ST3GAL6: variants seen among roughly 807,000 people sequenced by gnomAD.
ST3GAL6 encodes ST3 beta-galactoside alpha-2,3-sialyltransferase 6.
Under a neutral mutation model 40.5 loss-of-function variants are expected in ST3GAL6, and 31 were observed. That is an observed-to-expected ratio of 0.77 (90% CI 0.58 to 1.03). The LOEUF (loss-of-function observed/expected upper bound fraction) is 1.03, where lower values mean the gene tolerates loss of function less well. Ranked by LOEUF, ST3GAL6 falls within the 50% of genes least tolerant of loss-of-function variation. The pLI is 0.00. For missense variants in ST3GAL6, 357 were observed against 393.2 expected (o/e 0.91, Z 0.78); for synonymous variants, 129 against 136.9 (o/e 0.94, Z 0.40).
intron 1 of ST3GAL6, chr3:98,733,249 C>G (rs1418053503): frequency 1.0e-6 from 1 of 980,864 alleles, no homozygotes; most frequent in Non-Finnish European, 1.2e-6. Context: ...CCGCAGCCAC[C>G]GCCGAGAGGG....
intron 5 of ST3GAL6, among the ~76,000 whole-genome samples, chr3:98,777,670 C>T (rs1939683581): frequency 6.6e-6 from 1 of 152,208 alleles, no homozygotes; most frequent in Non-Finnish European, 1.5e-5. Context: ...TATGCCTGGT[C>T]ACTTTCAGGA....
intron 1 of ST3GAL6, among the ~76,000 whole-genome samples, chr3:98,756,959 T>C (rs1937465829): frequency 6.6e-6 from 1 of 152,242 alleles, no homozygotes; most frequent in Non-Finnish European, 1.5e-5. Context: ...GTTTTCTCAA[T>C]AGAATTAATT....
chr3:98,774,992 A>C (rs1372486998), intron 5 of ST3GAL6, among the ~76,000 whole-genome samples: 1 of 152,184 alleles, frequency 6.6e-6, no homozygotes, highest in African/African-American at 2.4e-5. Flanking sequence ...CCCCAAATTT[A>C]TGTAGCTCTG....
In ST3GAL6 at chr3:98,739,679, G is replaced by A. The variant is rs1398294000; in HGVS notation, c.-12+7147G>A. ...TAAGGGGTGGAGGAAGCAGATATAG[G>A]GAATGTGTACATTTTCTATGGTTAG... On this transcript the variant is annotated intron_variant, in intron 1 of 9. Coordinates refer to the ST3GAL6 transcript ENST00000265261. Among the ~76,000 whole-genome samples, 10 of 152,244 alleles carry A rather than the reference G, an allele frequency of 6.6e-5. No individual in the cohort carries two copies. In the East Asian group the frequency reaches 1.7e-3, roughly 26 times the overall value.
chr3:98,737,526 C>T (rs1285895139), intron 1 of ST3GAL6, among the ~76,000 whole-genome samples: 2 of 152,194 alleles, frequency 1.3e-5, no homozygotes, highest in African/African-American at 4.8e-5. Flanking sequence ...GACGCCTATA[C>T]AGTATTCCTT....
At chr3:98,756,800 G>A (rs1937454078) in intron 1 of ST3GAL6, among the ~76,000 whole-genome samples, 1 of 152,058 alleles carries the variant, frequency 6.6e-6, no homozygotes, top group African/African-American at 2.4e-5. Context: ...CAGTTGAATG[G>A]GCCTTCTTTG....
At chr3:98,782,924 T>TGA in intron 5 of ST3GAL6, 2 of 219,308 alleles carry the variant, frequency 9.1e-6, no homozygotes, top group South Asian at 5.1e-5. Context: ...GTTACTCAGC[T>TGA]CAGTCTATTA....
upstream of ST3GAL6, chr3:98,763,130 G>A (rs1056934869): frequency 3.0e-6 from 3 of 985,316 alleles, no homozygotes; most frequent in Admixed American, 6.1e-5. Context: ...GGCTGGGTCT[G>A]TGAGGCTTAG....
intron 1 of ST3GAL6, among the ~76,000 whole-genome samples, chr3:98,745,154 C>T (rs888466421): frequency 6.6e-6 from 1 of 152,120 alleles, no homozygotes; most frequent in African/African-American, 2.4e-5. Context: ...CTGCCTCAGC[C>T]TCCTGAGTAG....
At chr3:98,732,763 T>C in intron 1 of ST3GAL6, 1 of 1,232,600 alleles carries the variant, frequency 8.1e-7, no homozygotes, top group Non-Finnish European at 1.1e-6. Flanking sequence ...CTCCCTCCTC[T>C]GCTCCCCCGC....
Position 98,785,006 on chromosome 3 carries a change from G to T in ST3GAL6, c.397G>T (p.Gly133Ter), listed in dbSNP as rs776380938. 6.2e-7 allele frequency: 1 copy of T among 1,612,160 alleles called. No homozygotes were observed. Among genetic ancestry groups the T allele is most frequent in the African/African-American group, 1.3e-5 (1 of 74,852 alleles). Reference sequence around the variant, plus strand: ...AGGAGTTTTGAAGAATAAGACATTAGGAGAAAAAATCGACTCCTATGATGT... The same window carrying T: ...AGGAGTTTTGAAGAATAAGACATTATGAGAAAAAATCGACTCCTATGATGT... The part of the protein sequence containing the change: ...NGGVLKNKTL[G>*]EKIDSYDVII... Residue 133 changes from glycine to a stop codon, truncating the protein, a stop_gained, in exon 6 of 10, where the codon GGA becomes TGA. Coordinates refer to ENST00000483910, the MANE Select transcript of ST3GAL6 (RefSeq NM_001323368.2). LOFTEE classifies it high-confidence loss of function.
At chr3:98,746,591 T>C (rs949643261) in intron 1 of ST3GAL6, among the ~76,000 whole-genome samples, 1 of 152,186 alleles carries the variant, frequency 6.6e-6, no homozygotes, top group Admixed American at 6.5e-5. Context: ...ATCTACCTTT[T>C]AATGTTTTCT....
chr3:98,772,705 C>T, intron 3 of ST3GAL6, 108 bp from the exon 4 acceptor site: 2 of 620,662 alleles, frequency 3.2e-6, no homozygotes, highest in South Asian at 2.4e-5. Context: ...TTTGTATAGC[C>T]AGTATAATGA....
chr3:98,770,933 G>A lies in ST3GAL6; in HGVS notation c.144G>A (p.Lys48=), dbSNP rs1336012815. ...RRNKIQPCLS[K]PAFASLLRFH... Reference sequence around the variant, plus strand: ...ATAAGATCCAGCCTTGTTTATCAAAGCCAGCTTTTGCCTCTCTGCTGAGGT... The same window carrying A: ...ATAAGATCCAGCCTTGTTTATCAAAACCAGCTTTTGCCTCTCTGCTGAGGT... The change falls in exon 3 of 10, where the codon AAG becomes AAA. Residue 48 remains lysine, a synonymous_variant. Coordinates refer to ENST00000483910, the MANE Select transcript of ST3GAL6 (RefSeq NM_001323368.2). The A allele has an allele frequency of 1.2e-6, 2 of 1,614,070 alleles. No homozygotes were observed. Among genetic ancestry groups the A allele is most frequent in the Non-Finnish European group, 1.7e-6 (2 of 1,179,974 alleles).
intron 1 of ST3GAL6, among the ~76,000 whole-genome samples, chr3:98,766,748 A>C (rs893430363): frequency 2.6e-5 from 4 of 152,142 alleles, no homozygotes; most frequent in Admixed American, 6.5e-5. Flanking sequence ...GTGGAGCCTT[A>C]AATGTTTGAT....
chr3:98,757,614 G>A (rs1937515110), intron 1 of ST3GAL6, among the ~76,000 whole-genome samples: 1 of 152,126 alleles, frequency 6.6e-6, no homozygotes, highest in Non-Finnish European at 1.5e-5. Flanking sequence ...GATGCTCCTG[G>A]ACTCTAGTAC....
At position 98,768,978 on chromosome 3, in the gene ST3GAL6, A is replaced by AT. The variant is rs1271836409; in HGVS notation, c.89+449_89+450insT. 2.0e-5 allele frequency among the ~76,000 whole-genome samples: 3 copies of AT among 152,190 alleles called. No individual in the cohort carries two copies. In the East Asian group the frequency reaches 5.8e-4, roughly 29 times the overall value. ...TTCTGAAATAGCTTTGACTTGAAAT[A>AT]CCACATATAAAACTTTGAAGAGGCA... On this transcript the variant is annotated intron_variant, in intron 2 of 9. Transcript: ENST00000483910.
chr3:98,773,870 T>C, intron 4 of ST3GAL6, 50 bp from the exon 5 acceptor site: 1 of 1,522,104 alleles, frequency 6.6e-7, no homozygotes, highest in Non-Finnish European at 9.1e-7. Flanking sequence ...TACTAAGTAC[T>C]AAAAAGACAT....
intron 5 of ST3GAL6, chr3:98,784,543 A>G (rs1031255722): frequency 1.6e-5 from 3 of 182,624 alleles, no homozygotes; most frequent in East Asian, 2.7e-4. Flanking sequence ...AGAGTCCTAT[A>G]TGGAGGTGTG....
Sources: gnomAD v4.1 joint callset for allele counts (sites outside exome capture counted in the v4.1 genomes callset) on GRCh38, gnomAD v4.1.1 for gene constraint, MANE v1.5 for transcripts, NCBI Gene and HGNC (gene_info 2026-07-23, HGNC 2026-07-21) for gene names.